Variants in ARRDC5 observed in about 807,000 individuals in gnomAD.
ARRDC5 encodes arrestin domain-containing protein 5.
A neutral mutation model predicts 13.3 loss-of-function variants in ARRDC5; 12 were observed. That is an observed-to-expected ratio of 0.90 (90% CI 0.58 to 1.46). The LOEUF is 1.46. ARRDC5 is among the 40% of genes most tolerant of loss of function. The pLI is 0.00. For missense variants in ARRDC5, 406 were observed against 418.7 expected, an observed-to-expected ratio of 0.97 and a Z score of 0.26; for synonymous variants, 181 against 173.4, an observed-to-expected ratio of 1.04 and a Z score of -0.34.
intron 1 of ARRDC5, among the ~76,000 whole-genome samples, chr19:4,898,333 C>G (rs2031800880): frequency 1.3e-5 from 2 of 152,120 alleles, no homozygotes; most frequent in East Asian, 1.9e-4. Context: ...CATGGCAATC[C>G]CAAAGATACT....
chr19:4,897,183 C>T (rs975283915), intron 1 of ARRDC5, among the ~76,000 whole-genome samples: 17 of 152,156 alleles, frequency 1.1e-4, no homozygotes, highest in Non-Finnish European at 2.4e-4. Flanking sequence ...TCTTGAACTC[C>T]TGGCCTCCGG....
chr19:4,898,606 C>A (rs1228579670), intron 1 of ARRDC5, among the ~76,000 whole-genome samples: 1 of 151,868 alleles, frequency 6.6e-6, no homozygotes, highest in Non-Finnish European at 1.5e-5. Context: ...AGATAATCCA[C>A]CTGCCTTGGC....
Position 4,902,603 on chromosome 19 carries a change from C to A in ARRDC5, c.223G>T (p.Val75Leu). ...ACTGGGAATGTCTTTGTCTTATGCA[C>A]GTAGTCTGCCTTGTTGTTGCAAATA... is the stretch of plus-strand genomic sequence containing the variant. ...NVICNNKADY[V>L]HKTKTFPVED... Residue 75 changes from valine (V) to leucine (L), a missense_variant, in exon 1 of 3, where the codon GTG (valine) becomes TTG (leucine). By Grantham distance (32) the Val-to-Leu change is conservative (BLOSUM62 1). Coordinates refer to ENST00000650722, the MANE Select transcript of ARRDC5 (RefSeq NM_001080523.3). 6.2e-7 allele frequency: 1 copy of A among 1,613,990 alleles called. No homozygotes were observed. The highest frequency in any genetic ancestry group is 8.5e-7 in the Non-Finnish European group (1 of 1,179,886).
chr19:4,896,361 T>TTTACACACAC (rs761253103), intron 2 of ARRDC5, among the ~76,000 whole-genome samples: 3 of 84,988 alleles, frequency 3.5e-5, no homozygotes, highest in African/African-American at 1.7e-4. Flanking sequence ...TTTTTTTTTT[T>TTTACACACAC]ACACACACAC....
the ARRDC5 span, chr19:4,909,709 G>C: frequency 2.0e-6 from 1 of 503,176 alleles, no homozygotes; most frequent in African/African-American, 2.1e-5. Context: ...CACGGGGCTC[G>C]GGAACTTTGC....
chr19:4,910,753 G>C, the ARRDC5 span: 3 of 1,222,336 alleles, frequency 2.5e-6, no homozygotes, highest in Non-Finnish European at 3.4e-6. Flanking sequence ...AGGACTGGAA[G>C]GGCATCCTGG....
intron 2 of ARRDC5, among the ~76,000 whole-genome samples, chr19:4,894,743 AGAGGAAGAG>A (rs1322164004): frequency 1.3e-5 from 2 of 148,398 alleles, no homozygotes; most frequent in African/African-American, 2.5e-5. Context: ...AGGAAGAGGA[AGAGGAAGAG>A]GAAGAAGAAG....
intron 1 of ARRDC5, among the ~76,000 whole-genome samples, chr19:4,901,382 G>A (rs1429813194): frequency 1.3e-5 from 2 of 152,108 alleles, no homozygotes; most frequent in Admixed American, 6.6e-5. Flanking sequence ...TTGGGAGGCC[G>A]AGGTGGGCGA....
At chr19:4,893,667 G>A (rs1310705085) in intron 2 of ARRDC5, among the ~76,000 whole-genome samples, 2 of 145,668 alleles carry the variant, frequency 1.4e-5, no homozygotes, top group African/African-American at 5.2e-5. Context: ...CAAGGGGGGA[G>A]GATCACTGGA....
upstream of ARRDC5, among the ~76,000 whole-genome samples, chr19:4,904,769 A>G (rs990221407): frequency 2.0e-5 from 3 of 152,162 alleles, no homozygotes; most frequent in African/African-American, 7.2e-5. Context: ...GGAATCAATA[A>G]AAGTTTGTTG....
upstream of ARRDC5, among the ~76,000 whole-genome samples, chr19:4,907,397 T>C (rs1018968113): frequency 6.6e-6 from 1 of 151,982 alleles, no homozygotes; most frequent in African/African-American, 2.4e-5. Context: ...GCTTCCCGAG[T>C]AGCTGGGATT....
chr19:4,912,283 C>T, the ARRDC5 span, among the ~76,000 whole-genome samples: 1 of 152,228 alleles, frequency 6.6e-6, no homozygotes, highest in African/African-American at 2.4e-5. Context: ...CTCCCTCCTC[C>T]TATGATGCGT....
At chr19:4,910,766 G>A in the ARRDC5 span, 4 of 1,348,320 alleles carry the variant, frequency 3.0e-6, no homozygotes, top group South Asian at 1.7e-5. Flanking sequence ...CATCCTGGGA[G>A]TTTCCTGGTG....
chr19:4,910,683 T>A, the ARRDC5 span: 6 of 471,246 alleles, frequency 1.3e-5, no homozygotes, highest in Non-Finnish European at 2.2e-5. Flanking sequence ...TGGCTAGTCG[T>A]TAATGCCTTA....
chr19:4,905,856 C>T (rs2032055406), upstream of ARRDC5, among the ~76,000 whole-genome samples: 1 of 152,208 alleles, frequency 6.6e-6, no homozygotes, highest in Non-Finnish European at 1.5e-5. Context: ...GACAATTCTT[C>T]TTCCAATGTG....
At chr19:4,910,785 C>T in the ARRDC5 span, 1 of 1,446,506 alleles carries the variant, frequency 6.9e-7, no homozygotes, top group East Asian at 2.4e-5. Flanking sequence ...TGTCCACAGG[C>T]CGGACAAAAG....
chr19:4,902,553 G>T lies in ARRDC5; in HGVS notation c.253+20C>A. On this transcript the variant is annotated intron_variant, in intron 1 of 2. Coordinates refer to ENST00000650722, the MANE Select transcript of ARRDC5 (RefSeq NM_001080523.3). ...CAGGTTCCTGTCATGGCTAGGGGTG[G>T]CTGTTGGCCTCGTCCTTACCCTCCA... is the stretch of plus-strand genomic sequence containing the variant. 6.2e-7 allele frequency: 1 copy of T among 1,609,596 alleles called. No homozygotes were observed. The highest frequency in any genetic ancestry group is 1.1e-5 in the South Asian group (1 of 91,014).
Position 4,891,052 on chromosome 19 carries a change from C to T in ARRDC5, c.981G>A (p.Gln327=), listed in dbSNP as rs543694184. 153 of 1,609,052 alleles carry T rather than the reference C, an allele frequency of 9.5e-5. 3 individuals are homozygous for T. The South Asian group carries it at 1.6e-3, about 17-fold the overall frequency. Residue 327 remains glutamine, a synonymous_variant, in exon 3 of 3, where the codon CAG becomes CAA. Coordinates refer to ENST00000650722, the MANE Select transcript of ARRDC5 (RefSeq NM_001080523.3). ...DGVLPVNPDH[Q]N ...TATTTAAAAGTTCGGGCACTTAATT[C>T]TGGTGATCTGGGTTCACGGGTAACA...
the ARRDC5 span, among the ~76,000 whole-genome samples, chr19:4,909,000 C>T: frequency 5.3e-5 from 8 of 152,216 alleles, no homozygotes; most frequent in African/African-American, 1.9e-4. Flanking sequence ...ACAAGCCCTG[C>T]GGGTGGGTAG....
Sources: gnomAD v4.1 joint callset for allele counts (sites outside exome capture counted in the v4.1 genomes callset) on GRCh38, gnomAD v4.1.1 for gene constraint, MANE v1.5 for transcripts, NCBI Gene and HGNC (gene_info 2026-07-23, HGNC 2026-07-21) for gene names.